The following FGD5 variants were observed in gnomAD, a reference collection of about 807,000 sequenced individuals.
FGD5 encodes the protein FYVE, RhoGEF and PH domain containing 5.
FGD5 carries 28 observed loss-of-function variants against 133.4 expected under a neutral mutation model. That is an observed-to-expected ratio of 0.21 (90% CI 0.16 to 0.29). FGD5 has a LOEUF of 0.29. Among genes scored for constraint, FGD5 ranks in the 10% least tolerant of loss-of-function variants. The pLI is 1.00. For missense variants in FGD5, 1,858 were observed against 1,895.2 expected, an observed-to-expected ratio of 0.98 and a Z score of 0.36; for synonymous variants, 810 against 776.5, an observed-to-expected ratio of 1.04 and a Z score of -0.72.
chr3:14,815,406 A>G (rs1284741664), upstream of FGD5, among the ~76,000 whole-genome samples: 4 of 151,968 alleles, frequency 2.6e-5, no homozygotes, highest in African/African-American at 7.3e-5. Flanking sequence ...ATCATCTAGC[A>G]TATGATATGT....
chr3:14,897,433 C>T, intron 4 of FGD5, 76 bp from the exon 5 acceptor site: 1 of 1,529,736 alleles, frequency 6.5e-7, no homozygotes, highest in Non-Finnish European at 8.8e-7. Context: ...GCTCCAAAGC[C>T]CCAGGGGAAA....
At chr3:14,895,066 T>C (rs985385308) in intron 4 of FGD5, among the ~76,000 whole-genome samples, 5 of 152,232 alleles carry the variant, frequency 3.3e-5, no homozygotes, top group Non-Finnish European at 7.3e-5. Context: ...TGGGCTTTTT[T>C]GCTATTTGAG....
At position 14,853,921 on chromosome 3, in the gene FGD5, T is replaced by C. The variant is rs79741459; in HGVS notation, c.2526-10207T>C. 2.0e-3 allele frequency among the ~76,000 whole-genome samples: 302 copies of C among 148,930 alleles called. 1 individual carries two copies. Among genetic ancestry groups the C allele is most frequent in the African/African-American group, 6.8e-3 (274 of 40,380 alleles). On this transcript the variant is annotated intron_variant, in intron 1 of 19. Transcript: ENST00000285046. Reference sequence around the variant, plus strand: ...AGCCTCTGAGCAGCTTTAATTGATATTCCCTTTACAGCACAAGTGGACTCA... The same window carrying C: ...AGCCTCTGAGCAGCTTTAATTGATACTCCCTTTACAGCACAAGTGGACTCA...
In FGD5 at chr3:14,890,151, C is replaced by T. The variant is rs114224156; in HGVS notation, c.2749-7358C>T. On this transcript the variant is annotated intron_variant, in intron 4 of 19. Transcript: ENST00000285046. ...GTACTCCACCCCTCAGCTCCTCTTC[C>T]GCCTCAGGACCTTTGCACCTGGCAT... Among the ~76,000 whole-genome samples the T allele has an allele frequency of 2.5e-3, 386 of 152,310 alleles. 1 individual carries two copies. Among genetic ancestry groups the T allele is most frequent in the African/African-American group, 8.8e-3 (365 of 41,568 alleles).
At chr3:14,902,079 C>G (rs1310015952) in intron 9 of FGD5, among the ~76,000 whole-genome samples, 1 of 151,828 alleles carries the variant, frequency 6.6e-6, no homozygotes, top group Admixed American at 6.6e-5. Context: ...GTCAGGAGTT[C>G]AAGACCAGCC....
chr3:14,924,472 CCATGT>C (rs760578318), intron 17 of FGD5, among the ~76,000 whole-genome samples: 4 of 152,184 alleles, frequency 2.6e-5, no homozygotes, highest in Non-Finnish European at 5.9e-5. Context: ...GTTGGTCCTT[CCATGT>C]CATCCCCTCA....
At chr3:14,930,218 T>C (rs1201312989) in intron 18 of FGD5, among the ~76,000 whole-genome samples, 2 of 152,242 alleles carry the variant, frequency 1.3e-5, no homozygotes, top group Non-Finnish European at 2.9e-5. Flanking sequence ...CCAATCCTTA[T>C]GCCAGTACCA....
At chr3:14,859,397 A>C (rs1406443514) in intron 1 of FGD5, among the ~76,000 whole-genome samples, 3 of 152,104 alleles carry the variant, frequency 2.0e-5, no homozygotes, top group Non-Finnish European at 4.4e-5. Context: ...TCTCTATTAA[A>C]AAATACAAAA....
chr3:14,843,906 G>C (rs139359727), intron 1 of FGD5, among the ~76,000 whole-genome samples: 1 of 151,336 alleles, frequency 6.6e-6, no homozygotes, highest in Non-Finnish European at 1.5e-5. Context: ...TGTTGGCCAG[G>C]CTGGTCTCAA....
At position 14,820,894 on chromosome 3, in the gene FGD5, C is replaced by A; in HGVS notation, c.1823C>A (p.Thr608Lys). ...RNHLPSSGTS[T>K]PSSMVDIPPP... Reference sequence around the variant, plus strand: ...CACCTTCCGTCCAGCGGCACCTCCACGCCTTCTTCCATGGTCGACATCCCA... The same window carrying A: ...CACCTTCCGTCCAGCGGCACCTCCAAGCCTTCTTCCATGGTCGACATCCCA... The change falls in exon 1 of 20, where the codon ACG (threonine) becomes AAG (lysine). Residue 608 changes from threonine to lysine, a missense_variant. Around this residue, in one of 3 missense-constraint regions of FGD5, gnomAD observed 1,824 missense variants for 1,848.9 expected, o/e 0.99. Transcript: ENST00000285046. 6.2e-7 allele frequency: 1 copy of A among 1,613,818 alleles called. No individual in the cohort carries two copies. Among genetic ancestry groups the A allele is most frequent in the Non-Finnish European group, 8.5e-7 (1 of 1,179,850 alleles).
At chr3:14,918,942 C>A in intron 13 of FGD5, 109 bp downstream of exon 13, 2 of 1,183,680 alleles carry the variant, frequency 1.7e-6, no homozygotes, top group South Asian at 2.6e-5. Flanking sequence ...CCTTCTGGGT[C>A]AAAGTATCCT....
At chr3:14,867,083 C>G (rs17040428) in intron 2 of FGD5, among the ~76,000 whole-genome samples, 14,210 of 152,272 alleles carry the variant, frequency 0.093, 833 homozygotes, top group East Asian at 0.3. Flanking sequence ...GAAGTCAAAA[C>G]CTACACTTTA....
intron 1 of FGD5, among the ~76,000 whole-genome samples, chr3:14,852,966 A>G (rs75814344): frequency 1.3e-5 from 2 of 152,146 alleles, no homozygotes; most frequent in African/African-American, 4.8e-5. Flanking sequence ...GCTTTGACCC[A>G]TGAGTCCAGC....
intron 1 of FGD5, among the ~76,000 whole-genome samples, chr3:14,863,790 G>A (rs1163784335): frequency 2.0e-5 from 3 of 152,182 alleles, no homozygotes; most frequent in East Asian, 1.9e-4. Context: ...TAACCCTGCC[G>A]CCTGACCAGG....
At chr3:14,815,323 C>T (rs1264265454), upstream of FGD5, among the ~76,000 whole-genome samples, 1 of 151,766 alleles carries the variant, frequency 6.6e-6, no homozygotes, top group African/African-American at 2.4e-5. Context: ...CTCAGTGAAG[C>T]CTATGCTGGT....
rs6782417 is a variant in FGD5 at position 14,907,370 on chromosome 3, G to A, written c.3265-270G>A. Among the ~76,000 whole-genome samples the A allele has an allele frequency of 7.6e-3, 1,151 of 152,292 alleles. 9 individuals carry two copies. The highest frequency in any genetic ancestry group is 0.016 in the African/African-American group (676 of 41,554). On this transcript the variant is annotated intron_variant, in intron 9 of 19. Transcript: ENST00000285046. ...CATGAGAGACATAGGCTTAGAGAGC[G>A]TAGGAGCAGTTGTCCAGAGAAACAC...
upstream of FGD5, among the ~76,000 whole-genome samples, chr3:14,816,379 C>T (rs962547920): frequency 1.3e-5 from 2 of 152,170 alleles, no homozygotes; most frequent in African/African-American, 4.8e-5. Flanking sequence ...AGACTTCAAC[C>T]AAGGGAAGAT....
intron 1 of FGD5, among the ~76,000 whole-genome samples, chr3:14,827,933 C>T (rs998848314): frequency 4.6e-5 from 7 of 152,206 alleles, no homozygotes; most frequent in African/African-American, 1.4e-4. Flanking sequence ...TCCGCCAGCC[C>T]AGGGTTGTTA....
At position 14,819,950 on chromosome 3, in the gene FGD5, C is replaced by T; in HGVS notation, c.879C>T (p.Leu293=). The part of the protein sequence containing the change: ...TGVTGGEQVD[L]SEPPDHEKKT... ...TCACAGGTGGGGAACAGGTTGACCT[C>T]AGTGAACCACCTGACCACGAGAAGA... Residue 293 remains leucine (L), a synonymous_variant, in exon 1 of 20, where the codon CTC becomes CTT. Transcript: ENST00000285046. This position sits in a 1 kb window ranked among gnomAD's most constrained non-coding sequence, Gnocchi z 4.1. 6.2e-7 allele frequency: 1 copy of T among 1,613,930 alleles called. No individual in the cohort carries two copies. The highest frequency in any genetic ancestry group is 8.5e-7 in the Non-Finnish European group (1 of 1,179,872).
Sources: gnomAD v4.1 joint callset for allele counts (sites outside exome capture counted in the v4.1 genomes callset) on GRCh38, gnomAD v4.1.1 for gene constraint, gnomAD v4.1.1 regional missense constraint, Gnocchi (gnomAD v3.1) non-coding constraint, MANE v1.5 for transcripts, NCBI Gene and HGNC (gene_info 2026-07-23, HGNC 2026-07-21) for gene names.